Variants in CSMD3 observed in about 807,000 individuals in gnomAD.
CSMD3 encodes CUB and Sushi multiple domains 3, also known as CUB and sushi domain-containing protein 3.
Under a neutral mutation model 435.2 loss-of-function variants are expected in CSMD3, and 177 were observed. The ratio of observed to expected loss-of-function variants is 0.41; its 90% CI spans 0.36 to 0.46. The LOEUF is 0.46. Among genes scored for constraint, CSMD3 ranks in the 20% least tolerant of loss-of-function variants. The probability of loss-of-function intolerance (pLI) is 0.34; values close to 1 mark genes in which losing one functional copy is unlikely to be tolerated. For missense variants in CSMD3, 4,265 were observed against 4,504.6 expected (o/e 0.95, Z 1.52); for synonymous variants, 1,656 against 1,520.5 (o/e 1.09, Z -2.07).
chr8:113,409,655 C>T (rs984552434), intron 1 of CSMD3, among the ~76,000 whole-genome samples: 5 of 152,166 alleles, frequency 3.3e-5, no homozygotes, highest in South Asian at 2.1e-4. Flanking sequence ...GGGAATTATT[C>T]GGTTGAAGTT....
chr8:112,456,134 G>GAAAA (rs1816821550), intron 32 of CSMD3, among the ~76,000 whole-genome samples: 2 of 152,186 alleles, frequency 1.3e-5, no homozygotes, highest in South Asian at 4.1e-4. Context: ...TGTGGAAAAG[G>GAAAA]ATTATGTTTG....
chr8:113,344,638 A>G (rs191691183), intron 1 of CSMD3, among the ~76,000 whole-genome samples: 46 of 152,262 alleles, frequency 3.0e-4, no homozygotes, highest in African/African-American at 1.0e-3. Flanking sequence ...CATCATACCA[A>G]CAACAAGTAT....
In CSMD3 at chr8:112,462,972, T is replaced by C. The variant is rs374144060; in HGVS notation, c.5395+9619A>G. Among the ~76,000 whole-genome samples the C allele has an allele frequency of 2.4e-4, 36 of 152,342 alleles. No homozygotes were observed. The South Asian group carries it at 7.5e-3, about 32-fold the overall frequency. Reference sequence around the variant, plus strand: ...GCTCTCTCACGCATTTTGAAACTGCTTGGCAGTTTGCCTTGCTCTCCCTAG... The same window carrying C: ...GCTCTCTCACGCATTTTGAAACTGCCTGGCAGTTTGCCTTGCTCTCCCTAG... On this transcript the variant is annotated intron_variant, in intron 32 of 70. Transcript: ENST00000297405.
chr8:113,273,383 A>C (rs191090156), intron 3 of CSMD3, among the ~76,000 whole-genome samples: 47 of 152,184 alleles, frequency 3.1e-4, no homozygotes, highest in African/African-American at 1.0e-3. Flanking sequence ...GGTTTCAGTT[A>C]CCATTGATAA....
chr8:113,315,994 C>T (rs142674381), intron 1 of CSMD3, among the ~76,000 whole-genome samples: 1 of 152,240 alleles, frequency 6.6e-6, no homozygotes, highest in East Asian at 1.9e-4. Context: ...GCTGAGATTA[C>T]AGGCGTGAGC....
chr8:112,380,302 A>G (rs2131233400), intron 38 of CSMD3, 50 bp downstream of exon 38: 1 of 975,286 alleles, frequency 1.0e-6, no homozygotes, highest in Non-Finnish European at 1.7e-6. Flanking sequence ...TTTTTAATTA[A>G]TATAAACTTG....
rs1279648993 is a variant in CSMD3, at chr8:113,138,371, A to G, written c.709+35351T>C. Among the ~76,000 whole-genome samples the G allele has an allele frequency of 2.0e-5, 3 of 151,516 alleles. 1 individual carries two copies. The highest frequency in any genetic ancestry group is 4.4e-5 in the Non-Finnish European group (3 of 67,612). On this transcript the variant is annotated intron_variant, in intron 4 of 70. Transcript: ENST00000297405. Reference sequence around the variant, plus strand: ...AATACAGATTAATTGTCCTTAGCTTATAAATGCTGGCAAATTCACATATTT... The same window carrying G: ...AATACAGATTAATTGTCCTTAGCTTGTAAATGCTGGCAAATTCACATATTT...
Position 112,975,345 on chromosome 8 carries a change from T to C in CSMD3, c.1342+492A>G, listed in dbSNP as rs1454701582. Among the ~76,000 whole-genome samples the C allele has an allele frequency of 3.3e-5, 5 of 152,232 alleles. No individual in the cohort carries two copies. In the East Asian group the frequency reaches 7.7e-4, roughly 24 times the overall value. On this transcript the variant is annotated intron_variant, in intron 7 of 70. Coordinates refer to ENST00000297405, the MANE Select transcript of CSMD3 (RefSeq NM_198123.2). The stretch of plus-strand genomic sequence containing the variant: ...GTAAAACGATCACCAGATATAATGT[T>C]TCTATGTTTCCCAATCAAACTGTAC...
chr8:112,984,738 T>C (rs1213868619), intron 6 of CSMD3, among the ~76,000 whole-genome samples: 1 of 152,112 alleles, frequency 6.6e-6, no homozygotes, highest in East Asian at 1.9e-4. Context: ...GCTTTACATA[T>C]TTGTACCTAT....
In CSMD3 at chr8:112,871,947, T is replaced by C. The variant is rs945336141; in HGVS notation, c.1634-12681A>G. The stretch of plus-strand genomic sequence containing the variant: ...AACATTTTTCATGTGTCAGAATTCA[T>C]TTTATTCTTATTTTCCTTTAATTTT... On this transcript the variant is annotated intron_variant, in intron 10 of 70. Coordinates refer to ENST00000297405, the MANE Select transcript of CSMD3 (RefSeq NM_198123.2). Among the ~76,000 whole-genome samples the C allele has an allele frequency of 1.1e-4, 16 of 152,194 alleles. No homozygotes were observed. In the East Asian group the frequency reaches 3.1e-3, roughly 29 times the overall value.
intron 9 of CSMD3, among the ~76,000 whole-genome samples, chr8:112,922,661 A>G (rs1300620886): frequency 1.3e-5 from 2 of 152,008 alleles, no homozygotes; most frequent in Admixed American, 1.3e-4. Context: ...CAATTCGCAT[A>G]ACAATCTCCA....
intron 13 of CSMD3, among the ~76,000 whole-genome samples, chr8:112,794,876 A>G (rs2078789458): frequency 6.6e-6 from 1 of 152,180 alleles, no homozygotes; most frequent in African/African-American, 2.4e-5. Context: ...ATGTACATGA[A>G]ATGTCCATAT....
At chr8:113,137,758 C>T (rs1292792749) in intron 4 of CSMD3, among the ~76,000 whole-genome samples, 1 of 151,494 alleles carries the variant, frequency 6.6e-6, no homozygotes, top group African/African-American at 2.4e-5. Flanking sequence ...GACTCAATTA[C>T]CTCTCAAAGA....
At chr8:112,287,345 C>A (rs564039749) in intron 57 of CSMD3, 99 bp from the exon 58 acceptor site, 184 of 1,100,272 alleles carry the variant, frequency 1.7e-4, no homozygotes, top group Non-Finnish European at 2.4e-4. Flanking sequence ...TTTGTGCATG[C>A]GGTGTTTTAG....
At chr8:112,684,477 T>C (rs2075969475) in intron 15 of CSMD3, among the ~76,000 whole-genome samples, 1 of 152,076 alleles carries the variant, frequency 6.6e-6, no homozygotes, top group Non-Finnish European at 1.5e-5. Flanking sequence ...CCTTTTATTA[T>C]GTGACACTTA....
At chr8:113,199,383 T>C (rs1473883414) in intron 3 of CSMD3, among the ~76,000 whole-genome samples, 2 of 151,758 alleles carry the variant, frequency 1.3e-5, no homozygotes, top group African/African-American at 2.4e-5. Context: ...GAATAACTGG[T>C]ACCAAGTAGA....
chr8:113,131,371 G>A (rs1191195963), intron 4 of CSMD3, among the ~76,000 whole-genome samples: 1 of 152,054 alleles, frequency 6.6e-6, no homozygotes, highest in Non-Finnish European at 1.5e-5. Context: ...GCAGCCTCAG[G>A]ACATGGTGTC....
chr8:112,976,260 A>G, intron 6 of CSMD3, 112 bp from the exon 7 acceptor site: 1 of 1,249,544 alleles, frequency 8.0e-7, no homozygotes, highest in Non-Finnish European at 1.1e-6. Context: ...GATAATCAAC[A>G]TGAAGAGGCA....
intron 5 of CSMD3, among the ~76,000 whole-genome samples, chr8:113,092,339 T>C (rs2090033343): frequency 6.6e-6 from 1 of 152,094 alleles, no homozygotes; most frequent in Non-Finnish European, 1.5e-5. Context: ...TGTAAAATAC[T>C]AGTGAGTATT....
Sources: gnomAD v4.1 joint callset for allele counts (sites outside exome capture counted in the v4.1 genomes callset) on GRCh38, gnomAD v4.1.1 for gene constraint, MANE v1.5 for transcripts, NCBI Gene and HGNC (gene_info 2026-07-23, HGNC 2026-07-21) for gene names.